MLLT10: variants seen among roughly 807,000 people sequenced by gnomAD.
The protein encoded by MLLT10 is protein AF-10.
A neutral mutation model predicts 129.1 loss-of-function variants in MLLT10; 30 were observed. The ratio of observed to expected loss-of-function variants is 0.23; its 90% confidence interval spans 0.17 to 0.32. The LOEUF (loss-of-function observed/expected upper bound fraction) is 0.32, where lower values mean the gene tolerates loss of function less well. Among genes scored for constraint, MLLT10 ranks in the 10% least tolerant of loss-of-function variants. The pLI is 1.00. For missense variants in MLLT10, 1,119 were observed against 1,268.3 expected, an observed-to-expected ratio of 0.88 and a Z score of 1.79; for synonymous variants, 490 against 446.4, an observed-to-expected ratio of 1.10 and a Z score of -1.23.
chr10:21,642,866 C>G lies in MLLT10; in HGVS notation c.700-8807C>G, dbSNP rs1406760979. 2.0e-5 allele frequency among the ~76,000 whole-genome samples: 3 copies of G among 152,138 alleles called. No homozygotes were observed. In the East Asian group the frequency reaches 5.8e-4, roughly 29 times the overall value. On this transcript the variant is annotated intron_variant, in intron 8 of 22. Coordinates refer to ENST00000307729, the MANE Select transcript of MLLT10 (RefSeq NM_001195626.3). Reference sequence around the variant, plus strand: ...CATGAATTTTCTTAAGAAATCAGGACTTTGTCAGCAAGAAAGATGTTTATG... The same window carrying G: ...CATGAATTTTCTTAAGAAATCAGGAGTTTGTCAGCAAGAAAGATGTTTATG...
chr10:21,693,010 CAG>C (rs1263660743), intron 13 of MLLT10, among the ~76,000 whole-genome samples: 1 of 151,156 alleles, frequency 6.6e-6, no homozygotes, highest in African/African-American at 2.4e-5. Flanking sequence ...TTTAAAGAAA[CAG>C]AAAAAAAAAA....
chr10:21,715,500 C>G (rs1005011501), intron 14 of MLLT10, among the ~76,000 whole-genome samples: 1 of 152,170 alleles, frequency 6.6e-6, no homozygotes, highest in Non-Finnish European at 1.5e-5. Context: ...ATGGTTTTAT[C>G]TCTTTTTAAT....
intron 8 of MLLT10, among the ~76,000 whole-genome samples, chr10:21,645,771 A>G (rs970498240): frequency 6.6e-6 from 1 of 152,212 alleles, no homozygotes; most frequent in African/African-American, 2.4e-5. Flanking sequence ...AAAACTCTGA[A>G]TTCCTCTTGG....
At chr10:21,721,614 A>T (rs2057142101) in intron 14 of MLLT10, among the ~76,000 whole-genome samples, 1 of 152,190 alleles carries the variant, frequency 6.6e-6, no homozygotes, top group Non-Finnish European at 1.5e-5. Context: ...ATAAGCTGAA[A>T]TATATTTTTA....
chr10:21,709,201 C>A (rs1239090509), intron 13 of MLLT10, among the ~76,000 whole-genome samples: 2 of 151,778 alleles, frequency 1.3e-5, no homozygotes, highest in Non-Finnish European at 2.9e-5. Context: ...ACTTTTCACC[C>A]CCAAAATAAC....
At chr10:21,652,848 A>G (rs1181639064) in intron 9 of MLLT10, among the ~76,000 whole-genome samples, 1 of 152,200 alleles carries the variant, frequency 6.6e-6, no homozygotes, top group African/African-American at 2.4e-5. Context: ...AGATGGTGGT[A>G]AAAACAGAGG....
At chr10:21,597,726 A>T (rs1241668763) in intron 5 of MLLT10, among the ~76,000 whole-genome samples, 1 of 152,186 alleles carries the variant, frequency 6.6e-6, no homozygotes, top group Non-Finnish European at 1.5e-5. Flanking sequence ...CGAGTTTCAG[A>T]AATTTGATGC....
chr10:21,696,437 T>C (rs2054370290), intron 13 of MLLT10, among the ~76,000 whole-genome samples: 1 of 152,134 alleles, frequency 6.6e-6, no homozygotes. Flanking sequence ...GAAATTCTCC[T>C]ATTGATTGAT....
Position 21,742,282 on chromosome 10 carries a change from A to T in MLLT10, c.*299A>T, listed in dbSNP as rs1589956069. On this transcript the variant is annotated 3_prime_UTR_variant, in exon 23 of 23. Transcript: ENST00000307729. ...ATGCAATATGTTTATCAACTCAAGA[A>T]TTTAATATAGTTGGTACACAACTAG... 1 of 324,430 alleles carries T rather than the reference A, an allele frequency of 3.1e-6. No homozygotes were observed. The highest frequency in any genetic ancestry group is 4.6e-5 in the East Asian group (1 of 21,564). The allele number at this position is 324,430 out of a possible 1,614,324, so 20.1% of individuals were successfully genotyped here. A position where few individuals can be genotyped will look rare whatever the true frequency, so the allele number is the denominator to read the frequency against.
intron 13 of MLLT10, among the ~76,000 whole-genome samples, chr10:21,685,093 C>T (rs1458443524): frequency 6.6e-6 from 1 of 151,908 alleles, no homozygotes; most frequent in Non-Finnish European, 1.5e-5. Flanking sequence ...TTGATTTCTA[C>T]TCTTTCTCTG....
chr10:21,717,989 T>C lies in MLLT10; in HGVS notation c.1878+4039T>C, dbSNP rs183266816. ...TCTTTCTTCTTTTTGAGACTACAGG[T>C]GCCCGCCACCACGCCTGGCTAATTT... is the stretch of plus-strand genomic sequence containing the variant. On this transcript the variant is annotated intron_variant, in intron 14 of 22. Coordinates refer to ENST00000307729, the MANE Select transcript of MLLT10 (RefSeq NM_001195626.3). Among the ~76,000 whole-genome samples the C allele has an allele frequency of 1.6e-3, 233 of 149,764 alleles. 4 individuals are homozygous for C. Among genetic ancestry groups the C allele is most frequent in the African/African-American group, 5.5e-3 (220 of 39,734 alleles).
intron 9 of MLLT10, among the ~76,000 whole-genome samples, chr10:21,655,522 G>GA (rs1384910113): frequency 6.7e-6 from 1 of 149,210 alleles, no homozygotes; most frequent in African/African-American, 2.6e-5. Flanking sequence ...GTCTTCTTTT[G>GA]ATTTTTTTTT....
chr10:21,690,445 C>A (rs1343785433), intron 13 of MLLT10, among the ~76,000 whole-genome samples: 1 of 152,018 alleles, frequency 6.6e-6, no homozygotes, highest in Admixed American at 6.5e-5. Flanking sequence ...AGAACTGATT[C>A]TTTCAGGTAT....
intron 10 of MLLT10, 131 bp downstream of exon 10, chr10:21,670,835 T>C: frequency 9.8e-7 from 1 of 1,024,346 alleles, no homozygotes; most frequent in East Asian, 2.7e-5. Context: ...ATTAGTTGCT[T>C]TAGTAAGATT....
At chr10:21,670,395 G>A (rs934007503) in intron 9 of MLLT10, 54 bp from the exon 10 acceptor site, 2 of 1,512,294 alleles carry the variant, frequency 1.3e-6, no homozygotes, top group African/African-American at 2.8e-5. Context: ...ATTGTTTTCT[G>A]TAACTAAAAT....
intron 3 of MLLT10, among the ~76,000 whole-genome samples, chr10:21,585,285 C>T (rs1444394714): frequency 2.0e-5 from 3 of 152,064 alleles, no homozygotes; most frequent in Non-Finnish European, 4.4e-5. Flanking sequence ...ATAAATAATA[C>T]TCAAGTGAGA....
At chr10:21,675,090 T>C (rs1024559887) in intron 11 of MLLT10, among the ~76,000 whole-genome samples, 3 of 152,208 alleles carry the variant, frequency 2.0e-5, no homozygotes, top group African/African-American at 7.2e-5. Context: ...TCTGTTAATA[T>C]TTATTTTCTC....
chr10:21,675,988 T>C (rs910707125), intron 11 of MLLT10, among the ~76,000 whole-genome samples: 8 of 152,156 alleles, frequency 5.3e-5, no homozygotes, highest in East Asian at 1.9e-4. Context: ...GGTACTCCTG[T>C]GGCAGAAAAA....
At chr10:21,612,539 T>C (rs2044756573) in intron 6 of MLLT10, 88 bp downstream of exon 6, 1 of 679,876 alleles carries the variant, frequency 1.5e-6, no homozygotes, top group Non-Finnish European at 2.4e-6. Context: ...TACTCAAACA[T>C]TAATTATGGT....
Sources: gnomAD v4.1 joint callset for allele counts (sites outside exome capture counted in the v4.1 genomes callset) on GRCh38, gnomAD v4.1.1 for gene constraint, MANE v1.5 for transcripts, NCBI Gene and HGNC (gene_info 2026-07-23, HGNC 2026-07-21) for gene names.